The following KIRREL3 variants were observed in gnomAD, a reference collection of about 807,000 sequenced individuals.
KIRREL3 encodes kin of IRRE-like protein 3.
KIRREL3 carries 36 observed loss-of-function variants against 89.7 expected under a neutral mutation model. The ratio of observed to expected loss-of-function variants is 0.40; its 90% CI spans 0.31 to 0.53. The LOEUF (loss-of-function observed/expected upper bound fraction) is 0.53, where lower values mean the gene tolerates loss of function less well. KIRREL3 is among the 20% of genes least tolerant of loss of function. The probability of loss-of-function intolerance (pLI) is 0.49; values close to 1 mark genes in which losing one functional copy is unlikely to be tolerated. For synonymous variants in KIRREL3, 445 were observed against 441.4 expected (o/e 1.01, Z -0.10); for missense variants, 864 against 1,056.6 (o/e 0.82, Z 2.53).
intron 1 of KIRREL3, among the ~76,000 whole-genome samples, chr11:126,637,146 G>A (rs1488366777): frequency 6.6e-6 from 1 of 152,090 alleles, no homozygotes; most frequent in East Asian, 1.9e-4. Flanking sequence ...ATCATACTCT[G>A]GAAAACCTAG....
intron 1 of KIRREL3, among the ~76,000 whole-genome samples, chr11:126,866,639 C>A (rs1433574904): frequency 6.7e-6 from 1 of 150,336 alleles, no homozygotes; most frequent in African/African-American, 2.4e-5. Context: ...GGCCTGCCAC[C>A]CTCCTCACTG....
rs564095800 is a variant in KIRREL3 at position 126,897,064 on chromosome 11, C to T, written c.55+103391G>A. Among the ~76,000 whole-genome samples, 1 of 152,282 alleles carries T rather than the reference C, an allele frequency of 6.6e-6. No individual in the cohort carries two copies. The highest frequency in any genetic ancestry group is 2.1e-4 in the South Asian group (1 of 4,822). On this transcript the variant is annotated intron_variant, in intron 1 of 16. Transcript: ENST00000525144. This position sits in a 1 kb window ranked among gnomAD's most constrained non-coding sequence, Gnocchi z 4.2. Reference sequence around the variant, plus strand: ...CTTCTCCTCTCTCTTCCCTGCTCTTCCTCTTATCCAAGTTATTAAAATACG... The same window carrying T: ...CTTCTCCTCTCTCTTCCCTGCTCTTTCTCTTATCCAAGTTATTAAAATACG...
chr11:126,877,929 G>A lies in KIRREL3; in HGVS notation c.55+122526C>T, dbSNP rs1411478597. Among the ~76,000 whole-genome samples, 2 of 152,136 alleles carry A rather than the reference G, an allele frequency of 1.3e-5. No homozygotes were observed. Among genetic ancestry groups the A allele is most frequent in the Admixed American group, 6.5e-5 (1 of 15,278 alleles). ...GTTAAGGCTGGAACTCCCCCCTAGAGACATAGTCCAAGCTTCTCACTTCAC... is the reference window on the plus strand; with the variant it reads ...GTTAAGGCTGGAACTCCCCCCTAGAAACATAGTCCAAGCTTCTCACTTCAC... On this transcript the variant is annotated intron_variant, in intron 1 of 16. Transcript: ENST00000525144. This position sits in a 1 kb window ranked among gnomAD's most constrained non-coding sequence, Gnocchi z 4.9.
rs771305637 is a variant in KIRREL3, at chr11:126,424,997, G to A, written c.1920C>T (p.Val640=). ...LKDPTNGYYS[V]NTFKEHHSTP... ...TTGAGTGGTGCTCTTTGAAGGTGTT[G>A]ACGCTGTAGTAGCCATTGGTGGGGT... Residue 640 remains valine, a synonymous_variant, in exon 17 of 17, where the codon GTC becomes GTT. Transcript: ENST00000525144. The A allele has an allele frequency of 6.4e-7, 1 of 1,554,430 alleles. No individual in the cohort carries two copies. The highest frequency in any genetic ancestry group is 8.7e-7 in the Non-Finnish European group (1 of 1,148,644).
intron 1 of KIRREL3, among the ~76,000 whole-genome samples, chr11:126,836,531 G>T (rs560077462): frequency 1.3e-5 from 2 of 152,268 alleles, no homozygotes; most frequent in Admixed American, 1.3e-4. Flanking sequence ...TCTGGTTAAA[G>T]GTGCCTACCT....
At chr11:126,925,361 G>C (rs1381517220) in intron 1 of KIRREL3, among the ~76,000 whole-genome samples, 1 of 152,220 alleles carries the variant, frequency 6.6e-6, no homozygotes, top group African/African-American at 2.4e-5. Context: ...GGTGGCGGGG[G>C]GAGCATGGCA....
chr11:126,713,345 G>A (rs1398593071), intron 1 of KIRREL3, among the ~76,000 whole-genome samples: 1 of 152,264 alleles, frequency 6.6e-6, no homozygotes, highest in East Asian at 1.9e-4. Context: ...AGCAAAGCAG[G>A]TGGGCCAAGG....
chr11:126,455,751 C>T lies in KIRREL3; in HGVS notation c.848+598G>A, dbSNP rs1956315275. 6.6e-6 allele frequency among the ~76,000 whole-genome samples: 1 copy of T among 152,146 alleles called. No homozygotes were observed. On this transcript the variant is annotated intron_variant, in intron 7 of 16. Coordinates refer to ENST00000525144, the MANE Select transcript of KIRREL3 (RefSeq NM_032531.4). The surrounding 1 kb of genome is among the most constrained non-coding windows in gnomAD (Gnocchi z 6.4). Reference sequence around the variant, plus strand: ...GCAGAGCTTGCCAGTGAGCTGAGATCACGCCACTGCACTCCAGCCTGGGTG... The same window carrying T: ...GCAGAGCTTGCCAGTGAGCTGAGATTACGCCACTGCACTCCAGCCTGGGTG...
rs1947959677 is a variant in KIRREL3 at position 126,931,784 on chromosome 11, A to G, written c.55+68671T>C. On this transcript the variant is annotated intron_variant, in intron 1 of 16. Coordinates refer to ENST00000525144, the MANE Select transcript of KIRREL3 (RefSeq NM_032531.4). The surrounding 1 kb of genome is among the most constrained non-coding windows in gnomAD (Gnocchi z 5.1). ...TGGACTCAATCCCCTTATGGCAAAG[A>G]GAAAAGATGGTGACAAATGATGCTA... Among the ~76,000 whole-genome samples the G allele has an allele frequency of 6.6e-6, 1 of 152,172 alleles. No individual in the cohort carries two copies. The highest frequency in any genetic ancestry group is 2.1e-4 in the South Asian group (1 of 4,816).
rs140291159 is a variant in KIRREL3 at position 126,791,578 on chromosome 11, G to A, written c.55+208877C>T. Reference sequence around the variant, plus strand: ...ATAAATGACTGATGGGAGAAGGCTGGAGCCAAGCCTTTTGTAGGCAAAGGG... The same window carrying A: ...ATAAATGACTGATGGGAGAAGGCTGAAGCCAAGCCTTTTGTAGGCAAAGGG... On this transcript the variant is annotated intron_variant, in intron 1 of 16. Coordinates refer to ENST00000525144, the MANE Select transcript of KIRREL3 (RefSeq NM_032531.4). The surrounding 1 kb of genome is among the most constrained non-coding windows in gnomAD (Gnocchi z 4.8). Among the ~76,000 whole-genome samples the A allele has an allele frequency of 2.0e-5, 3 of 152,324 alleles. No homozygotes were observed. The highest frequency in any genetic ancestry group is 4.4e-5 in the Non-Finnish European group (3 of 68,034).
intron 1 of KIRREL3, among the ~76,000 whole-genome samples, chr11:126,690,925 G>A (rs1210861971): frequency 6.6e-6 from 1 of 152,218 alleles, no homozygotes; most frequent in African/African-American, 2.4e-5. Context: ...TCAGTTACGT[G>A]TGTGGCAAAG....
Position 126,993,424 on chromosome 11 carries a change from G to T in KIRREL3, c.55+7031C>A, listed in dbSNP as rs17136262. Among the ~76,000 whole-genome samples the T allele has an allele frequency of 4.6e-5, 7 of 152,150 alleles. No homozygotes were observed. The highest frequency in any genetic ancestry group is 1.0e-4 in the Non-Finnish European group (7 of 68,044). ...TAAGGTATGTAAGAGACTGGAAATC[G>T]CTTTTCATGCTTCGTTTAGAGAACT... is the stretch of plus-strand genomic sequence containing the variant. On this transcript the variant is annotated intron_variant, in intron 1 of 16. Coordinates refer to ENST00000525144, the MANE Select transcript of KIRREL3 (RefSeq NM_032531.4). The surrounding 1 kb of genome is among the most constrained non-coding windows in gnomAD (Gnocchi z 6.1).
Position 126,948,339 on chromosome 11 carries a change from T to C in KIRREL3, c.55+52116A>G, listed in dbSNP as rs561098221. On this transcript the variant is annotated intron_variant, in intron 1 of 16. Coordinates refer to ENST00000525144, the MANE Select transcript of KIRREL3 (RefSeq NM_032531.4). The surrounding 1 kb of genome is among the most constrained non-coding windows in gnomAD (Gnocchi z 4.5). ...GAACCTGTCCAACTTTATAGAGGGA[T>C]CTCAGTACAACGGAGAACTCAGGGG... 1.1e-4 allele frequency among the ~76,000 whole-genome samples: 16 copies of C among 152,010 alleles called. No individual in the cohort carries two copies. Among genetic ancestry groups the C allele is most frequent in the African/African-American group, 3.9e-4 (16 of 41,470 alleles).
rs771577691 is a variant in KIRREL3, at chr11:126,955,336, G to A, written c.55+45119C>T. Among the ~76,000 whole-genome samples, 3 of 152,210 alleles carry A rather than the reference G, an allele frequency of 2.0e-5. No individual in the cohort carries two copies. Among genetic ancestry groups the A allele is most frequent in the Non-Finnish European group, 2.9e-5 (2 of 68,036 alleles). On this transcript the variant is annotated intron_variant, in intron 1 of 16. Transcript: ENST00000525144. The surrounding 1 kb of genome is among the most constrained non-coding windows in gnomAD (Gnocchi z 4.6). Reference sequence around the variant, plus strand: ...GTTCTGGAGATACTTACAGCTGCCCGTGGTTTTTAATTAATACACTGGGCT... The same window carrying A: ...GTTCTGGAGATACTTACAGCTGCCCATGGTTTTTAATTAATACACTGGGCT...
chr11:126,892,960 G>C lies in KIRREL3; in HGVS notation c.55+107495C>G, dbSNP rs1264984683. On this transcript the variant is annotated intron_variant, in intron 1 of 16. Coordinates refer to ENST00000525144, the MANE Select transcript of KIRREL3 (RefSeq NM_032531.4). The surrounding 1 kb of genome is among the most constrained non-coding windows in gnomAD (Gnocchi z 5.4). ...AGGGCTGAGTATTCTAATTGCCTGT[G>C]GGATAGGATTTCACTATATCCCTGC... 1.3e-5 allele frequency among the ~76,000 whole-genome samples: 2 copies of C among 152,286 alleles called. No homozygotes were observed. Among genetic ancestry groups the C allele is most frequent in the Non-Finnish European group, 2.9e-5 (2 of 68,024 alleles).
intron 1 of KIRREL3, among the ~76,000 whole-genome samples, chr11:126,765,405 A>T (rs1366262168): frequency 6.6e-6 from 1 of 152,196 alleles, no homozygotes; most frequent in Non-Finnish European, 1.5e-5. Context: ...AAACGAAACC[A>T]GCAACCCACT....
At chr11:127,001,311 T>TGGTG (rs1344399654), upstream of KIRREL3, 1 of 5,696 alleles carries the variant, frequency 1.8e-4, no homozygotes, top group Non-Finnish European at 3.4e-4. Context: ...TGGGTGGTTG[T>TGGTG]GGTGGGGGGG....
At chr11:126,625,645 C>G (rs1055718127) in intron 1 of KIRREL3, among the ~76,000 whole-genome samples, 2 of 152,188 alleles carry the variant, frequency 1.3e-5, no homozygotes, top group African/African-American at 4.8e-5. Flanking sequence ...CCTGCCCCTC[C>G]TGTCCCCAGC....
rs1949994567 is a variant in KIRREL3, at chr11:126,990,293, G to T, written c.55+10162C>A. On this transcript the variant is annotated intron_variant, in intron 1 of 16. Coordinates refer to ENST00000525144, the MANE Select transcript of KIRREL3 (RefSeq NM_032531.4). The surrounding 1 kb of genome is among the most constrained non-coding windows in gnomAD (Gnocchi z 6.3). The stretch of plus-strand genomic sequence containing the variant: ...TTGCAATTGTACCCCCTTAGCTGCT[G>T]CCACCCTTCATCCGGATCCCCTCAA... Among the ~76,000 whole-genome samples, 1 of 152,130 alleles carries T rather than the reference G, an allele frequency of 6.6e-6. No individual in the cohort carries two copies. The highest frequency in any genetic ancestry group is 1.5e-5 in the Non-Finnish European group (1 of 68,024).
Sources: gnomAD v4.1 joint callset for allele counts (sites outside exome capture counted in the v4.1 genomes callset) on GRCh38, gnomAD v4.1.1 for gene constraint, Gnocchi (gnomAD v3.1) non-coding constraint, MANE v1.5 for transcripts, NCBI Gene and HGNC (gene_info 2026-07-23, HGNC 2026-07-21) for gene names.